PLEKHA5: variants seen among roughly 807,000 people sequenced by gnomAD.
PLEKHA5 encodes pleckstrin homology domain containing A5, also known as pleckstrin homology domain-containing family A member 5.
In PLEKHA5, 55 loss-of-function variants were observed where a neutral mutation model predicts 181.9. The observed-to-expected ratio is 0.30, with a 90% CI of 0.24 to 0.38. The LOEUF (loss-of-function observed/expected upper bound fraction) is 0.38. Among genes scored for constraint, PLEKHA5 ranks in the 10% least tolerant of loss-of-function variants. PLEKHA5 has a pLI of 1.00. For synonymous variants in PLEKHA5, 535 were observed against 529.4 expected (o/e 1.01, Z -0.15); for missense variants, 1,432 against 1,549.5 (o/e 0.92, Z 1.27).
intron 11 of PLEKHA5, among the ~76,000 whole-genome samples, chr12:19,277,242 G>C (rs771216499): frequency 3.3e-5 from 5 of 152,182 alleles, no homozygotes; most frequent in Non-Finnish European, 5.9e-5. Flanking sequence ...GAAGATTGGT[G>C]CGTCTCTGCT....
intron 16 of PLEKHA5, 139 bp downstream of exon 16, chr12:19,315,033 A>G (rs2088043059): frequency 1.6e-6 from 1 of 626,252 alleles, no homozygotes; most frequent in Non-Finnish European, 2.9e-6. Flanking sequence ...TTGGAAAACC[A>G]CAATTCATCC....
At chr12:19,324,249 A>G (rs1380565821) in intron 20 of PLEKHA5, among the ~76,000 whole-genome samples, 2 of 152,210 alleles carry the variant, frequency 1.3e-5, no homozygotes, top group African/African-American at 4.8e-5. Flanking sequence ...AAAGGAATAT[A>G]CCATGATTTT....
chr12:19,223,633 G>A (rs1347486682), intron 3 of PLEKHA5, among the ~76,000 whole-genome samples: 4 of 152,062 alleles, frequency 2.6e-5, no homozygotes, highest in African/African-American at 9.7e-5. Flanking sequence ...ACAAATTTGG[G>A]CATTTGTAAT....
At chr12:19,345,763 A>C (rs2094292398) in intron 22 of PLEKHA5, 79 bp from the exon 23 acceptor site, 1 of 767,478 alleles carries the variant, frequency 1.3e-6, no homozygotes, top group Admixed American at 2.6e-5. Flanking sequence ...CTTCATTTCA[A>C]AAAAACAAAA....
intron 3 of PLEKHA5, among the ~76,000 whole-genome samples, chr12:19,231,713 A>G (rs1375842906): frequency 6.6e-6 from 1 of 151,258 alleles, no homozygotes; most frequent in Non-Finnish European, 1.5e-5. Flanking sequence ...GAATTTGAAG[A>G]TTATCTTTCA....
At chr12:19,329,880 C>T (rs1190249300) in intron 20 of PLEKHA5, among the ~76,000 whole-genome samples, 1 of 150,776 alleles carries the variant, frequency 6.6e-6, no homozygotes, top group African/African-American at 2.4e-5. Flanking sequence ...AGTTTGGGAC[C>T]AACCTAAGCA....
chr12:19,254,933 G>A, intron 4 of PLEKHA5, 112 bp from the exon 5 acceptor site: 1 of 867,716 alleles, frequency 1.2e-6, no homozygotes, highest in Non-Finnish European at 1.7e-6. Context: ...GAGTAACTAG[G>A]ATCCAAGTAC....
At chr12:19,295,015 G>A (rs1283057676) in intron 15 of PLEKHA5, among the ~76,000 whole-genome samples, 5 of 152,096 alleles carry the variant, frequency 3.3e-5, no homozygotes, top group Non-Finnish European at 7.4e-5. Context: ...TGCTTCCATA[G>A]CCCAGTTAGT....
rs2095113422 is a variant in PLEKHA5, at chr12:19,359,415, C to T, written c.3352C>T (p.Arg1118Ter). The change falls in exon 28 of 32, where the codon CGA becomes TGA. Residue 1118 changes from arginine to a stop codon, truncating the protein, a stop_gained. Coordinates refer to ENST00000429027, the MANE Select transcript of PLEKHA5 (RefSeq NM_001256470.2). LOFTEE classifies it high-confidence loss of function. ...ATGCTATATGTCTTTTGAGCAGACT[C>T]GAAGGAGGGATGATAAGGAACTGGA... ...RDNPFRTTQT[R>*]RRDDKELDTA... The T allele has an allele frequency of 6.2e-7, 1 of 1,612,624 alleles. No homozygotes were observed. The highest frequency in any genetic ancestry group is 8.5e-7 in the Non-Finnish European group (1 of 1,179,070).
chr12:19,356,917 C>A (rs972364027), intron 26 of PLEKHA5, among the ~76,000 whole-genome samples: 2 of 152,014 alleles, frequency 1.3e-5, no homozygotes, highest in Non-Finnish European at 2.9e-5. Context: ...CCTCGGCCTT[C>A]CAAAGTGTTG....
intron 3 of PLEKHA5, among the ~76,000 whole-genome samples, chr12:19,169,447 C>T (rs1476980287): frequency 6.6e-6 from 1 of 152,134 alleles, no homozygotes; most frequent in Non-Finnish European, 1.5e-5. Flanking sequence ...TGGCTCTGCC[C>T]ACCAGTGGTA....
At chr12:19,318,520 T>G (rs961358605) in intron 16 of PLEKHA5, among the ~76,000 whole-genome samples, 2 of 152,222 alleles carry the variant, frequency 1.3e-5, no homozygotes, top group African/African-American at 4.8e-5. Context: ...TTCTGTTGAC[T>G]CTGAGATATA....
intron 12 of PLEKHA5, among the ~76,000 whole-genome samples, chr12:19,284,718 G>T (rs1176852640): frequency 6.6e-6 from 1 of 152,176 alleles, no homozygotes; most frequent in Non-Finnish European, 1.5e-5. Flanking sequence ...TGATTAGTCA[G>T]CTAGTACACA....
At chr12:19,151,494 G>C (rs766808786) in intron 3 of PLEKHA5, 4 of 152,130 alleles carry the variant, frequency 2.6e-5, no homozygotes, top group Non-Finnish European at 5.9e-5. Context: ...ATTTGGCCAA[G>C]AGTGGTGGTC....
intron 3 of PLEKHA5, among the ~76,000 whole-genome samples, chr12:19,147,599 T>TC (rs1565866912): frequency 6.9e-6 from 1 of 144,478 alleles, no homozygotes; most frequent in Non-Finnish European, 1.5e-5. Flanking sequence ...CTTTTTTCTT[T>TC]TTTTTTTTTT....
intron 3 of PLEKHA5, among the ~76,000 whole-genome samples, chr12:19,245,705 G>A (rs2063545731): frequency 7.9e-6 from 1 of 125,830 alleles, no homozygotes; most frequent in Admixed American, 8.8e-5. Context: ...ACTGCCTGGG[G>A]AACGAGAGTG....
At chr12:19,322,726 TTC>T in intron 20 of PLEKHA5, 59 bp downstream of exon 20, 1 of 1,206,848 alleles carries the variant, frequency 8.3e-7, no homozygotes, top group Non-Finnish European at 1.2e-6. Context: ...TTCTATTTTC[TTC>T]TCTTTTTTTT....
At chr12:19,293,749 A>G (rs1451203299) in intron 15 of PLEKHA5, among the ~76,000 whole-genome samples, 1 of 152,154 alleles carries the variant, frequency 6.6e-6, no homozygotes, top group East Asian at 1.9e-4. Context: ...GGACAGGTAA[A>G]TATATCAAAA....
At chr12:19,162,136 G>A (rs1240268777) in intron 3 of PLEKHA5, among the ~76,000 whole-genome samples, 2 of 152,132 alleles carry the variant, frequency 1.3e-5, no homozygotes, top group African/African-American at 2.4e-5. Flanking sequence ...ACCCAACTTA[G>A]TGGGTTTTCT....
Sources: allele counts gnomAD v4.1 joint callset (sites outside exome capture counted in the v4.1 genomes callset), GRCh38; gene constraint gnomAD v4.1.1; transcripts MANE v1.5; gene names NCBI Gene and HGNC (gene_info 2026-07-23, HGNC 2026-07-21).